ALDH1A2: variants seen among roughly 807,000 people sequenced by gnomAD.
The protein encoded by ALDH1A2 is aldehyde dehydrogenase 1 family member A2, also known as retinal dehydrogenase 2.
Under a neutral mutation model 60.3 loss-of-function variants are expected in ALDH1A2, and 27 were observed. The observed-to-expected ratio is 0.45, with a 90% CI of 0.33 to 0.62. ALDH1A2 has a LOEUF of 0.62. Among genes scored for constraint, ALDH1A2 ranks in the 20% least tolerant of loss-of-function variants. The pLI is 0.02. For missense variants in ALDH1A2, 581 were observed against 643.8 expected, an observed-to-expected ratio of 0.90 and a Z score of 1.06; for synonymous variants, 289 against 232.4, an observed-to-expected ratio of 1.24 and a Z score of -2.21.
intron 7 of ALDH1A2, among the ~76,000 whole-genome samples, chr15:57,989,131 A>G (rs893965915): frequency 1.3e-5 from 2 of 152,240 alleles, no homozygotes; most frequent in Non-Finnish European, 2.9e-5. Flanking sequence ...CCTGGGTGAC[A>G]GGGCAAGACT....
intron 5 of ALDH1A2, among the ~76,000 whole-genome samples, 161 bp from the exon 6 acceptor site, chr15:57,993,234 A>G (rs1435708971): frequency 6.6e-6 from 1 of 152,230 alleles, no homozygotes; most frequent in East Asian, 1.9e-4. Flanking sequence ...TTAAGAATAG[A>G]ATAGCACTGA....
intron 1 of ALDH1A2, 162 bp from the exon 2 acceptor site, chr15:58,014,443 G>A (rs141254371): frequency 1.4e-5 from 10 of 694,142 alleles, no homozygotes; most frequent in African/African-American, 8.8e-5. Flanking sequence ...CGCCAATTTA[G>A]GAATTTCCTC....
At chr15:57,956,132 G>A (rs1456254864) in intron 12 of ALDH1A2, among the ~76,000 whole-genome samples, 2 of 151,802 alleles carry the variant, frequency 1.3e-5, no homozygotes, top group Non-Finnish European at 2.9e-5. Flanking sequence ...TTTTCTTTTT[G>A]CCTTCCACCA....
chr15:57,973,455 C>T (rs1894137986), intron 7 of ALDH1A2, among the ~76,000 whole-genome samples: 1 of 152,162 alleles, frequency 6.6e-6, no homozygotes, highest in Non-Finnish European at 1.5e-5. Context: ...CTAAGGTAAT[C>T]ACAGCAGAAG....
At chr15:58,035,155 C>T (rs1190062701) in intron 1 of ALDH1A2, among the ~76,000 whole-genome samples, 1 of 151,564 alleles carries the variant, frequency 6.6e-6, no homozygotes, top group Non-Finnish European at 1.5e-5. Context: ...CCTATTCATA[C>T]ATATTTCTCT....
chr15:58,030,788 G>A (rs1896216012), intron 1 of ALDH1A2, among the ~76,000 whole-genome samples: 1 of 151,288 alleles, frequency 6.6e-6, no homozygotes, highest in Non-Finnish European at 1.5e-5. Flanking sequence ...ATAATTGCTA[G>A]AAAAAAAATA....
intron 7 of ALDH1A2, among the ~76,000 whole-genome samples, chr15:57,971,386 T>G (rs1894061844): frequency 1.3e-5 from 2 of 152,208 alleles, no homozygotes; most frequent in Admixed American, 6.5e-5. Context: ...GTTTAATAGC[T>G]GTCTCCCCGA....
At chr15:58,045,876 C>T (rs1162184620) in intron 1 of ALDH1A2, among the ~76,000 whole-genome samples, 1 of 151,914 alleles carries the variant, frequency 6.6e-6, no homozygotes, top group East Asian at 1.9e-4. Flanking sequence ...ATTTCTTCTT[C>T]CACCTAAGGG....
chr15:58,025,112 A>G (rs979847386), intron 1 of ALDH1A2, among the ~76,000 whole-genome samples: 3 of 152,130 alleles, frequency 2.0e-5, no homozygotes, highest in Non-Finnish European at 4.4e-5. Flanking sequence ...ATCTTTATCA[A>G]TGTACCTTGA....
chr15:58,044,598 G>C lies in ALDH1A2; in HGVS notation c.117+20936C>G, dbSNP rs528697583. Among the ~76,000 whole-genome samples, 8 of 152,086 alleles carry C rather than the reference G, an allele frequency of 5.3e-5. 1 individual carries two copies. In the South Asian group the frequency reaches 1.7e-3, roughly 32 times the overall value. On this transcript the variant is annotated intron_variant, in intron 1 of 12. Coordinates refer to ENST00000249750, the MANE Select transcript of ALDH1A2 (RefSeq NM_003888.4). ...CTAATGAAACACTACTTAGAGATGA[G>C]GTCCTGGGACACTGTCTGCAGTCTT...
intron 1 of ALDH1A2, among the ~76,000 whole-genome samples, chr15:58,036,271 GAAAAT>G (rs1408459022): frequency 6.6e-6 from 1 of 151,242 alleles, no homozygotes; most frequent in Non-Finnish European, 1.5e-5. Context: ...CAAATCACTG[GAAAAT>G]AAAATTTAAT....
At chr15:58,050,154 A>G (rs1289213742) in intron 1 of ALDH1A2, among the ~76,000 whole-genome samples, 1 of 151,878 alleles carries the variant, frequency 6.6e-6, no homozygotes, top group East Asian at 1.9e-4. Context: ...TGTTTTTACA[A>G]TGGGCTTAGT....
intron 3 of ALDH1A2, 75 bp from the exon 4 acceptor site, chr15:58,010,853 AAAAAG>A: frequency 6.4e-7 from 1 of 1,569,742 alleles, no homozygotes; most frequent in Non-Finnish European, 8.7e-7. Flanking sequence ...GAGCAGAAGA[AAAAAG>A]GAAGAGAGAG....
chr15:58,034,596 GT>G (rs1369077839), intron 1 of ALDH1A2, among the ~76,000 whole-genome samples: 1 of 151,500 alleles, frequency 6.6e-6, no homozygotes, highest in Non-Finnish European at 1.5e-5. Flanking sequence ...TTAGCTATAG[GT>G]TTTATGTAGA....
intron 1 of ALDH1A2, among the ~76,000 whole-genome samples, chr15:58,053,989 T>C (rs1054075121): frequency 1.3e-5 from 2 of 152,152 alleles, no homozygotes; most frequent in Admixed American, 1.3e-4. Flanking sequence ...GCCAATTCAA[T>C]CCATTAAGTA....
At chr15:58,060,772 G>A (rs968986312) in intron 1 of ALDH1A2, among the ~76,000 whole-genome samples, 16 of 152,106 alleles carry the variant, frequency 1.1e-4, no homozygotes, top group African/African-American at 3.9e-4. Flanking sequence ...TATAAAACCA[G>A]GCAGACAGTC....
intron 4 of ALDH1A2, among the ~76,000 whole-genome samples, chr15:57,999,039 C>T (rs1032217576): frequency 2.6e-5 from 4 of 152,072 alleles, no homozygotes; most frequent in African/African-American, 9.7e-5. Flanking sequence ...ACATCTTATA[C>T]AAAAATTACC....
intron 12 of ALDH1A2, among the ~76,000 whole-genome samples, chr15:57,955,624 G>C (rs1291580767): frequency 2.0e-5 from 3 of 152,224 alleles, no homozygotes; most frequent in Non-Finnish European, 2.9e-5. Context: ...CCCAGGCTGT[G>C]CTCAGAGGCT....
At chr15:57,987,014 G>A (rs1452619001) in intron 7 of ALDH1A2, among the ~76,000 whole-genome samples, 3 of 152,106 alleles carry the variant, frequency 2.0e-5, no homozygotes, top group African/African-American at 4.8e-5. Context: ...GGGGTGTAGC[G>A]AGGAAGAAAA....
Sources: gnomAD v4.1 joint callset for allele counts (sites outside exome capture counted in the v4.1 genomes callset) on GRCh38, gnomAD v4.1.1 for gene constraint, MANE v1.5 for transcripts, NCBI Gene and HGNC (gene_info 2026-07-23, HGNC 2026-07-21) for gene names.